Variants in ABCC3 observed in about 807,000 individuals in gnomAD.
ABCC3 encodes ATP binding cassette subfamily C member 3.
Under a neutral mutation model 165.3 loss-of-function variants are expected in ABCC3, and 121 were observed. That is an observed-to-expected ratio of 0.73 (90% CI 0.63 to 0.85). The LOEUF (loss-of-function observed/expected upper bound fraction) is 0.85. ABCC3 is among the 40% of genes least tolerant of loss of function. The pLI is 0.00. For missense variants in ABCC3, 1,869 were observed against 1,964.1 expected (o/e 0.95, Z 0.92); for synonymous variants, 733 against 810.1 (o/e 0.90, Z 1.62).
rs569400803 is a variant in ABCC3 at position 50,657,523 on chromosome 17, G to C, written c.486+340G>C. 2.0e-5 allele frequency among the ~76,000 whole-genome samples: 3 copies of C among 152,290 alleles called. No homozygotes were observed. The South Asian group carries it at 6.2e-4, about 32-fold the overall frequency. ...ATGCAGACAAGTGTGAAGAGTTCTG[G>C]CTTACCTAGAGGTCCCATTAGCATG... On this transcript the variant is annotated intron_variant, in intron 4 of 30. Transcript: ENST00000285238.
At position 50,669,370 on chromosome 17, in the gene ABCC3, C is replaced by CCCCA; in HGVS notation, c.2084_2087dup (p.Gln696HisfsTer38). Reference sequence around the variant, plus strand: ...TGGCCAGGGCTCCGTGGCCTATGTGCCCCAGCAGGCATGGATCCAGAACTG... The same window carrying CCCCA: ...TGGCCAGGGCTCCGTGGCCTATGTGCCCCACCCAGCAGGCATGGATCCAGAACTG... On this transcript the variant is annotated frameshift_variant, in exon 17 of 31. Coordinates refer to ENST00000285238, the MANE Select transcript of ABCC3 (RefSeq NM_003786.4). LOFTEE classifies it high-confidence loss of function. 1 of 1,614,226 alleles carries CCCCA rather than the reference C, an allele frequency of 6.2e-7. No individual in the cohort carries two copies. The highest frequency in any genetic ancestry group is 8.5e-7 in the Non-Finnish European group (1 of 1,180,040).
At position 50,684,220 on chromosome 17, in the gene ABCC3, G is replaced by T. The variant is rs1012573207; in HGVS notation, c.4113+113G>T. Reference sequence around the variant, plus strand: ...GACCCCAGTCTCAGAGGCTTGGGCAGGTGGGGAGGGACAGACAGCAGGAAG... The same window carrying T: ...GACCCCAGTCTCAGAGGCTTGGGCATGTGGGGAGGGACAGACAGCAGGAAG... On this transcript the variant is annotated intron_variant, in intron 28 of 30. Coordinates refer to ENST00000285238, the MANE Select transcript of ABCC3 (RefSeq NM_003786.4). The T allele has an allele frequency of 2.9e-6, 4 of 1,369,984 alleles. No homozygotes were observed. The Admixed American group carries it at 1.1e-4, about 38-fold the overall frequency. The allele number at this position is 1,369,984 out of a possible 1,614,324, so 84.9% of individuals were successfully genotyped here. A position where few individuals can be genotyped will look rare whatever the true frequency, so the allele number is the denominator to read the frequency against.
chr17:50,653,344 C>CAAAAAAAAAAAAAA (rs1298179994), intron 1 of ABCC3, among the ~76,000 whole-genome samples: 1 of 47,752 alleles, frequency 2.1e-5, no homozygotes, highest in Non-Finnish European at 4.7e-5. Flanking sequence ...GAGACTGTCT[C>CAAAAAAAAAAAAAA]AAAAAAAAAA....
At chr17:50,648,412 C>T (rs944849537) in intron 1 of ABCC3, among the ~76,000 whole-genome samples, 1 of 152,156 alleles carries the variant, frequency 6.6e-6, no homozygotes, top group Non-Finnish European at 1.5e-5. Flanking sequence ...TATCCATCTC[C>T]TCTCAAAGCC....
chr17:50,673,645 G>A lies in ABCC3; in HGVS notation c.2586G>A (p.Glu862=), dbSNP rs1165085790. 6.2e-7 allele frequency: 1 copy of A among 1,614,014 alleles called. No homozygotes were observed. The highest frequency in any genetic ancestry group is 1.3e-5 in the African/African-American group (1 of 74,910). ...YAPDEDQGHL[E]DSWTALEGAE... is the part of the protein sequence containing the mutation. ...CCGATGAGGACCAAGGGCACCTGGA[G>A]GACAGCTGGACCGGTATCTGCCATC... The change falls in exon 19 of 31, where the codon GAG becomes GAA. Residue 862 remains glutamate, a synonymous_variant. Transcript: ENST00000285238.
At chr17:50,665,667 A>C (rs1006471449) in intron 11 of ABCC3, among the ~76,000 whole-genome samples, 1 of 149,768 alleles carries the variant, frequency 6.7e-6, no homozygotes, top group Non-Finnish European at 1.5e-5. Context: ...ATGCAGTGGC[A>C]TGATCTCGGC....
chr17:50,690,990 A>G, intron 30 of ABCC3, 102 bp from the exon 31 acceptor site: 1 of 840,996 alleles, frequency 1.2e-6, no homozygotes, highest in Admixed American at 2.1e-5. Flanking sequence ...GTGGGTTGGC[A>G]TGTCACTGTG....
At chr17:50,656,555 G>T in intron 2 of ABCC3, 147 bp from the exon 3 acceptor site, 1 of 1,088,000 alleles carries the variant, frequency 9.2e-7, no homozygotes, top group Non-Finnish European at 1.3e-6. Context: ...CCTCCAGCAA[G>T]CTTCTGGTCA....
chr17:50,673,303 C>G lies in ABCC3; in HGVS notation c.2409+165C>G, dbSNP rs971705651. On this transcript the variant is annotated intron_variant, in intron 18 of 30. Transcript: ENST00000285238. ...AAACCTGTGGGGACAACTCCCCCAC[C>G]TGCGAGGTTCTGAGCAGGCTGTGGC... The G allele has an allele frequency of 4.9e-6, 6 of 1,217,370 alleles. No individual in the cohort carries two copies. The African/African-American group carries it at 9.1e-5, about 18-fold the overall frequency. The allele number at this position is 1,217,370 out of a possible 1,614,324, so 75.4% of individuals were successfully genotyped here. A position where few individuals can be genotyped will look rare whatever the true frequency, so the allele number is the denominator to read the frequency against.
chr17:50,663,575 G>A, intron 8 of ABCC3, 106 bp from the exon 9 acceptor site: 1 of 1,365,522 alleles, frequency 7.3e-7, no homozygotes, highest in Admixed American at 2.0e-5. Context: ...GGAGGTTTCA[G>A]AGGCCAGGGG....
At chr17:50,647,678 A>G (rs1204678209) in intron 1 of ABCC3, among the ~76,000 whole-genome samples, 1 of 152,232 alleles carries the variant, frequency 6.6e-6, no homozygotes, top group Non-Finnish European at 1.5e-5. Context: ...GTAGTTTCCA[A>G]GAGATGGGGG....
intron 11 of ABCC3, among the ~76,000 whole-genome samples, chr17:50,666,467 G>A (rs370547352): frequency 1.3e-5 from 2 of 151,412 alleles, no homozygotes; most frequent in African/African-American, 2.4e-5. Flanking sequence ...GCGAAACTCC[G>A]TCTCAAAAAA....
At chr17:50,647,528 T>C (rs1195176085) in intron 1 of ABCC3, among the ~76,000 whole-genome samples, 3 of 152,150 alleles carry the variant, frequency 2.0e-5, no homozygotes, top group Non-Finnish European at 2.9e-5. Context: ...CTCAGGACAA[T>C]CTGTGAACAA....
intron 19 of ABCC3, among the ~76,000 whole-genome samples, chr17:50,674,927 G>C (rs1286837076): frequency 1.3e-5 from 2 of 151,580 alleles, no homozygotes; most frequent in African/African-American, 2.4e-5. Flanking sequence ...AGCCTCCCGA[G>C]TAGCCAGGAT....
chr17:50,686,974 G>A (rs538220424), intron 29 of ABCC3, among the ~76,000 whole-genome samples: 69 of 152,232 alleles, frequency 4.5e-4, no homozygotes, highest in Non-Finnish European at 7.2e-4. Flanking sequence ...GGCTGAAGGC[G>A]TGTGTCCTGC....
chr17:50,652,330 T>C (rs1474322637), intron 1 of ABCC3, among the ~76,000 whole-genome samples: 1 of 152,254 alleles, frequency 6.6e-6, no homozygotes. Flanking sequence ...ATTGTTCTTC[T>C]GGCCAATGGA....
chr17:50,667,152 T>G (rs1047065139), intron 11 of ABCC3, among the ~76,000 whole-genome samples: 1 of 152,056 alleles, frequency 6.6e-6, no homozygotes, highest in Non-Finnish European at 1.5e-5. Context: ...GCCCAGGAGT[T>G]TGAGGCTGCA....
At position 50,687,673 on chromosome 17, in the gene ABCC3, A is replaced by T; in HGVS notation, c.4418A>T (p.Asp1473Val). 1 of 1,614,226 alleles carries T rather than the reference A, an allele frequency of 6.2e-7. No individual in the cohort carries two copies. The highest frequency in any genetic ancestry group is 1.3e-5 in the African/African-American group (1 of 75,056). ...LIQATIRTQFDTCTVLTIAHR... is the reference protein window; with the variant it reads ...LIQATIRTQFVTCTVLTIAHR... The stretch of plus-strand genomic sequence containing the variant: ...CAGGCTACCATCCGCACCCAGTTTG[A>T]TACCTGCACTGTCCTGACCATCGCA... Residue 1473 changes from aspartate to valine, a missense_variant, in exon 30 of 31, where the codon GAT (aspartate) becomes GTT (valine). Physicochemically the swap from Asp to Val is radical, Grantham distance 152. Coordinates refer to ENST00000285238, the MANE Select transcript of ABCC3 (RefSeq NM_003786.4).
rs757577107 is a variant in ABCC3, at chr17:50,673,948, CTT to C, written c.2599+292_2599+293del. On this transcript the variant is annotated intron_variant, in intron 19 of 30. Transcript: ENST00000285238. ...TCTTTCTTTCTTTCTTTCTTTCTTT[CTT>C]TCTTTCTTTCTTTCTTTCTTTCTTT... 2.3e-4 allele frequency among the ~76,000 whole-genome samples: 4 copies of C among 17,152 alleles called. No individual in the cohort carries two copies. In the South Asian group the frequency reaches 7.3e-3, roughly 31 times the overall value. 11.3% of individuals were successfully genotyped at this position (17,152 alleles called of 152,430 possible).
Sources: gnomAD v4.1 joint callset for allele counts (sites outside exome capture counted in the v4.1 genomes callset) on GRCh38, gnomAD v4.1.1 for gene constraint, MANE v1.5 for transcripts, NCBI Gene and HGNC (gene_info 2026-07-23, HGNC 2026-07-21) for gene names.